The following TRPC4 variants were observed in gnomAD, a reference collection of about 807,000 sequenced individuals.
TRPC4 encodes short transient receptor potential channel 4.
In TRPC4, 49 loss-of-function variants were observed where a neutral mutation model predicts 99.4. The ratio of observed to expected loss-of-function variants is 0.49; its 90% confidence interval spans 0.39 to 0.63. TRPC4 has a LOEUF of 0.63. TRPC4 is among the 20% of genes least tolerant of loss of function. TRPC4 has a pLI of 0.00. For missense variants in TRPC4, 898 were observed against 1,152.9 expected (o/e 0.78, Z 3.20); for synonymous variants, 454 against 425.9 (o/e 1.07, Z -0.81).
chr13:37,801,232 C>A (rs1391537604), intron 1 of TRPC4, among the ~76,000 whole-genome samples: 1 of 152,040 alleles, frequency 6.6e-6, no homozygotes. Context: ...TTCATTATGG[C>A]AAATATTTTT....
At chr13:37,866,914 A>G (rs1394410327) in intron 1 of TRPC4, among the ~76,000 whole-genome samples, 2 of 149,494 alleles carry the variant, frequency 1.3e-5, no homozygotes, top group Non-Finnish European at 3.0e-5. Context: ...CTGTCTCCTC[A>G]ACCTCATTTT....
chr13:37,678,969 G>GA (rs1434306607), intron 4 of TRPC4, among the ~76,000 whole-genome samples: 1 of 151,900 alleles, frequency 6.6e-6, no homozygotes, highest in Non-Finnish European at 1.5e-5. Context: ...ACAGCTTTTT[G>GA]AAAAAATGTG....
intron 3 of TRPC4, among the ~76,000 whole-genome samples, chr13:37,692,835 A>T (rs192602921): frequency 6.6e-6 from 1 of 152,210 alleles, no homozygotes; most frequent in Non-Finnish European, 1.5e-5. Context: ...AAGCAAATGA[A>T]CTTTTCTTTA....
rs186212174 is a variant in TRPC4, at chr13:37,675,050, G to C, written c.1235-683C>G. On this transcript the variant is annotated intron_variant, in intron 4 of 10. Transcript: ENST00000379705. Reference sequence around the variant, plus strand: ...TTTCGTATTTAGAGCCTAATGATGAGAGAGATGTCAAAATATCTAGATTCA... The same window carrying C: ...TTTCGTATTTAGAGCCTAATGATGACAGAGATGTCAAAATATCTAGATTCA... 6.6e-5 allele frequency among the ~76,000 whole-genome samples: 10 copies of C among 152,082 alleles called. 1 individual carries two copies. In the East Asian group the frequency reaches 1.9e-3, roughly 29 times the overall value.
intron 3 of TRPC4, among the ~76,000 whole-genome samples, chr13:37,705,721 C>G (rs552269606): frequency 6.6e-6 from 1 of 152,204 alleles, no homozygotes; most frequent in South Asian, 2.1e-4. Flanking sequence ...TATTTACCTG[C>G]ATCTTTCTCA....
At chr13:37,689,729 G>A (rs144003320) in intron 4 of TRPC4, among the ~76,000 whole-genome samples, 1 of 152,188 alleles carries the variant, frequency 6.6e-6, no homozygotes, top group Non-Finnish European at 1.5e-5. Context: ...AGCTTGGTGT[G>A]TAGCAGGCAG....
chr13:37,668,048 AC>A (rs1952707893), intron 5 of TRPC4, among the ~76,000 whole-genome samples: 1 of 152,190 alleles, frequency 6.6e-6, no homozygotes, highest in East Asian at 1.9e-4. Flanking sequence ...CTAATCCTTT[AC>A]CCCGACTGCA....
chr13:37,810,441 A>G (rs972994004), intron 1 of TRPC4, among the ~76,000 whole-genome samples: 4 of 152,082 alleles, frequency 2.6e-5, no homozygotes, highest in African/African-American at 9.6e-5. Flanking sequence ...TATACTAAAT[A>G]TTATATTATA....
chr13:37,669,994 T>A (rs1156891645), intron 5 of TRPC4, among the ~76,000 whole-genome samples: 1 of 152,118 alleles, frequency 6.6e-6, no homozygotes, highest in East Asian at 1.9e-4. Context: ...GAGGGTGGGC[T>A]TTCATGATGA....
At chr13:37,788,237 T>C (rs960185942) in intron 1 of TRPC4, among the ~76,000 whole-genome samples, 20 of 152,134 alleles carry the variant, frequency 1.3e-4, no homozygotes, top group African/African-American at 4.8e-4. Flanking sequence ...CTCTCTTTCA[T>C]ACCTAAAGCC....
At chr13:37,729,360 T>A (rs2184124) in intron 3 of TRPC4, among the ~76,000 whole-genome samples, 56,386 of 151,826 alleles carry the variant, frequency 0.37, 11,954 homozygotes, top group Non-Finnish European at 0.49. Flanking sequence ...GAGAAATGGG[T>A]ACCCTCATGC....
intron 3 of TRPC4, among the ~76,000 whole-genome samples, chr13:37,697,196 G>T (rs1432130437): frequency 6.6e-6 from 1 of 152,126 alleles, no homozygotes; most frequent in Non-Finnish European, 1.5e-5. Flanking sequence ...TCAGACAGTG[G>T]CTAGATAAGT....
At chr13:37,740,632 C>A (rs1464711817) in intron 3 of TRPC4, among the ~76,000 whole-genome samples, 1 of 152,154 alleles carries the variant, frequency 6.6e-6, no homozygotes, top group Non-Finnish European at 1.5e-5. Flanking sequence ...AGGCTACACC[C>A]TATGTGTTTC....
At chr13:37,800,440 G>A (rs1957371410) in intron 1 of TRPC4, among the ~76,000 whole-genome samples, 1 of 152,260 alleles carries the variant, frequency 6.6e-6, no homozygotes, top group East Asian at 1.9e-4. Flanking sequence ...TATTGGAGAG[G>A]TAGTGATCAG....
At chr13:37,660,593 T>C (rs1952401798) in intron 6 of TRPC4, among the ~76,000 whole-genome samples, 1 of 152,144 alleles carries the variant, frequency 6.6e-6, no homozygotes, top group Admixed American at 6.5e-5. Flanking sequence ...GAAGGAATAA[T>C]AGAGATGAAA....
chr13:37,851,979 G>T (rs1388576255), intron 1 of TRPC4, among the ~76,000 whole-genome samples: 2 of 152,198 alleles, frequency 1.3e-5, no homozygotes, highest in African/African-American at 4.8e-5. Context: ...TATCCCAGTG[G>T]TCAGAACTCA....
intron 2 of TRPC4, among the ~76,000 whole-genome samples, chr13:37,764,455 T>C (rs951218116): frequency 1.3e-5 from 2 of 149,608 alleles, no homozygotes; most frequent in Non-Finnish European, 3.0e-5. Flanking sequence ...CTCATAAACT[T>C]TCATATTGGT....
chr13:37,692,142 A>G lies in TRPC4; in HGVS notation c.1091T>C (p.Ile364Thr). 1.2e-6 allele frequency: 2 copies of G among 1,614,178 alleles called. No individual in the cohort carries two copies. The highest frequency in any genetic ancestry group is 1.7e-6 in the Non-Finnish European group (2 of 1,180,022). Residue 364 changes from isoleucine to threonine, a missense_variant, in exon 4 of 11, where the codon ATC becomes ACC. This residue lies in a region of TRPC4 where 274 missense variants were observed against 454.9 expected (regional missense o/e 0.60). Coordinates refer to ENST00000379705, the MANE Select transcript of TRPC4 (RefSeq NM_016179.4). ...PLGLFIRKPFIKFICHTASYL... is the reference protein window; with the variant it reads ...PLGLFIRKPFTKFICHTASYL... ...GGAGGCTGTGTGGCAGATAAACTTG[A>G]TAAATGGCTTCCTGATGAACAGTCC...
chr13:37,780,424 T>A (rs1555270894), intron 2 of TRPC4, among the ~76,000 whole-genome samples: 8 of 152,036 alleles, frequency 5.3e-5, no homozygotes, highest in Non-Finnish European at 1.2e-4. Flanking sequence ...ATGACCTCAA[T>A]AAAATGAATG....
Sources: allele counts gnomAD v4.1 joint callset (sites outside exome capture counted in the v4.1 genomes callset), GRCh38; gene constraint gnomAD v4.1.1; regional missense constraint gnomAD v4.1.1; transcripts MANE v1.5; gene names NCBI Gene and HGNC (gene_info 2026-07-23, HGNC 2026-07-21).